COX10: variants seen among roughly 807,000 people sequenced by gnomAD.
COX10 encodes protoheme IX farnesyltransferase, mitochondrial.
Under a neutral mutation model 37.3 loss-of-function variants are expected in COX10, and 27 were observed. The ratio of observed to expected loss-of-function variants is 0.72; its 90% CI spans 0.53 to 1.00. The LOEUF (loss-of-function observed/expected upper bound fraction) is 1.00. Ranked by LOEUF, COX10 falls within the 50% of genes least tolerant of loss-of-function variation. The pLI is 0.00. For missense variants in COX10, 475 were observed against 563.2 expected (o/e 0.84, Z 1.59); for synonymous variants, 222 against 229.1 (o/e 0.97, Z 0.28).
intron 4 of COX10, among the ~76,000 whole-genome samples, chr17:14,128,022 G>A (rs1916384076): frequency 1.3e-5 from 2 of 150,640 alleles, no homozygotes; most frequent in Admixed American, 6.6e-5. Context: ...CCTCAAATTT[G>A]TTGCAGATGC....
intron 4 of COX10, among the ~76,000 whole-genome samples, chr17:14,146,139 A>G (rs1174073568): frequency 2.6e-5 from 4 of 152,168 alleles, no homozygotes; most frequent in South Asian, 4.1e-4. Flanking sequence ...ATGGAACCAC[A>G]AAAGACCCAG....
intron 4 of COX10, among the ~76,000 whole-genome samples, chr17:14,112,086 A>G (rs1164900077): frequency 2.0e-5 from 3 of 152,160 alleles, no homozygotes; most frequent in Admixed American, 6.6e-5. Flanking sequence ...ACAAAGTGTA[A>G]TGTATTTTTT....
intron 3 of COX10, among the ~76,000 whole-genome samples, chr17:14,092,514 C>G (rs1392462023): frequency 6.6e-6 from 1 of 152,066 alleles, no homozygotes; most frequent in Non-Finnish European, 1.5e-5. Context: ...AGTTTGTAAT[C>G]AGTTAGGCCC....
intron 4 of COX10, among the ~76,000 whole-genome samples, chr17:14,155,311 GATGTT>G (rs1413651421): frequency 7.6e-6 from 1 of 131,024 alleles, no homozygotes; most frequent in East Asian, 2.3e-4. Flanking sequence ...TTGAGTTTGT[GATGTT>G]AAAACATCTA....
intron 4 of COX10, among the ~76,000 whole-genome samples, chr17:14,142,336 A>T (rs538601962): frequency 6.6e-6 from 1 of 152,342 alleles, no homozygotes; most frequent in African/African-American, 2.4e-5. Flanking sequence ...GAGACAGAAA[A>T]CTGTGACACA....
At chr17:14,151,913 T>C (rs1216917588) in intron 4 of COX10, among the ~76,000 whole-genome samples, 1 of 152,238 alleles carries the variant, frequency 6.6e-6, no homozygotes, top group Non-Finnish European at 1.5e-5. Flanking sequence ...TCTGCAGGTA[T>C]GTTTATTTGC....
intron 5 of COX10, chr17:14,182,294 A>G (rs1380144874): frequency 1.3e-6 from 1 of 763,202 alleles, no homozygotes; most frequent in Non-Finnish European, 1.6e-6. Context: ...AAATAAATAA[A>G]TAAATAAATA....
chr17:14,133,328 C>G (rs1916507236), intron 4 of COX10, among the ~76,000 whole-genome samples: 1 of 151,588 alleles, frequency 6.6e-6, no homozygotes, highest in East Asian at 1.9e-4. Flanking sequence ...ATCTTTATTA[C>G]ACCAATTTGG....
At chr17:14,143,033 T>C (rs900735084) in intron 4 of COX10, among the ~76,000 whole-genome samples, 1 of 152,188 alleles carries the variant, frequency 6.6e-6, no homozygotes, top group African/African-American at 2.4e-5. Context: ...CCCTCTATCA[T>C]GTGGATGGTC....
chr17:14,086,458 AT>A (rs1239812911), intron 3 of COX10, among the ~76,000 whole-genome samples: 1 of 152,112 alleles, frequency 6.6e-6, no homozygotes, highest in Non-Finnish European at 1.5e-5. Context: ...AATTCTGCTA[AT>A]GTTTTAATTG....
At chr17:14,190,473 G>C (rs1209595628) in intron 5 of COX10, among the ~76,000 whole-genome samples, 5 of 152,272 alleles carry the variant, frequency 3.3e-5, no homozygotes, top group African/African-American at 1.2e-4. Context: ...AAGTCTCTCA[G>C]CTGTAATTTA....
At chr17:14,104,586 T>C (rs538568370) in intron 4 of COX10, among the ~76,000 whole-genome samples, 1 of 152,216 alleles carries the variant, frequency 6.6e-6, no homozygotes, top group African/African-American at 2.4e-5. Context: ...TAAAATTCTA[T>C]GGGAGGAAAA....
At chr17:14,073,161 G>A (rs1020340932) in intron 1 of COX10, among the ~76,000 whole-genome samples, 4 of 152,212 alleles carry the variant, frequency 2.6e-5, no homozygotes. Flanking sequence ...CTCTGGGAAC[G>A]TGGATTGGAG....
chr17:14,190,172 A>G (rs1906156994), intron 5 of COX10, among the ~76,000 whole-genome samples: 1 of 152,228 alleles, frequency 6.6e-6, no homozygotes, highest in Non-Finnish European at 1.5e-5. Flanking sequence ...AAGAGTTAAA[A>G]TAGTCACTAT....
rs1273250670 is a variant in COX10, at chr17:14,174,958, A to G, written c.695+15011A>G. On this transcript the variant is annotated intron_variant, in intron 5 of 6. Transcript: ENST00000261643. ...CGTGCAGTGACACGGGTGTGTTTCA[A>G]AAGCACTACGTTAAGTGAAAGAAGA... is the stretch of plus-strand genomic sequence containing the variant. Among the ~76,000 whole-genome samples, 5 of 139,228 alleles carry G rather than the reference A, an allele frequency of 3.6e-5. No individual in the cohort carries two copies. In the East Asian group the frequency reaches 1.0e-3, roughly 28 times the overall value. The allele number at this position is 139,228 out of a possible 152,430, so 91.3% of individuals were successfully genotyped here.
At chr17:14,189,463 T>G (rs1567611131) in intron 5 of COX10, among the ~76,000 whole-genome samples, 1 of 152,236 alleles carries the variant, frequency 6.6e-6, no homozygotes, top group Non-Finnish European at 1.5e-5. Context: ...ATAAACTTCT[T>G]GTAAAGCATC....
chr17:14,098,262 G>T (rs1363257917), intron 3 of COX10, among the ~76,000 whole-genome samples: 4 of 152,124 alleles, frequency 2.6e-5, no homozygotes, highest in Non-Finnish European at 4.4e-5. Flanking sequence ...TACTTAGTTT[G>T]ATTTTAAGAG....
At chr17:14,187,042 T>G (rs553422198) in intron 5 of COX10, among the ~76,000 whole-genome samples, 2 of 152,244 alleles carry the variant, frequency 1.3e-5, no homozygotes, top group South Asian at 4.1e-4. Flanking sequence ...TGGCAAATTT[T>G]ATTTTTTGTT....
At chr17:14,122,317 T>G (rs767568062) in intron 4 of COX10, among the ~76,000 whole-genome samples, 1 of 152,170 alleles carries the variant, frequency 6.6e-6, no homozygotes, top group East Asian at 1.9e-4. Flanking sequence ...AGGGTCCTTA[T>G]GCTTATAAAA....
Sources: gnomAD v4.1 joint callset for allele counts (sites outside exome capture counted in the v4.1 genomes callset) on GRCh38, gnomAD v4.1.1 for gene constraint, MANE v1.5 for transcripts, NCBI Gene and HGNC (gene_info 2026-07-23, HGNC 2026-07-21) for gene names.